The following CYP19A1 variants were observed in gnomAD, a reference collection of about 807,000 sequenced individuals.
CYP19A1 encodes the protein cytochrome P450 family 19 subfamily A member 1, also known as aromatase.
In CYP19A1, 32 loss-of-function variants were observed where a neutral mutation model predicts 44.4. The ratio of observed to expected loss-of-function variants is 0.72; its 90% CI spans 0.54 to 0.97. The LOEUF (loss-of-function observed/expected upper bound fraction) is 0.97. Ranked by LOEUF, CYP19A1 falls within the 50% of genes least tolerant of loss-of-function variation. The pLI is 0.00. For synonymous variants in CYP19A1, 212 were observed against 215.6 expected (o/e 0.98, Z 0.14); for missense variants, 598 against 637.8 (o/e 0.94, Z 0.67).
At chr15:51,314,847 T>G (rs184066368) in intron 1 of CYP19A1, among the ~76,000 whole-genome samples, 2 of 152,366 alleles carry the variant, frequency 1.3e-5, no homozygotes, top group Admixed American at 6.5e-5. Context: ...TTCATAAGTG[T>G]TGGTTTCCTC....
intron 1 of CYP19A1, among the ~76,000 whole-genome samples, chr15:51,282,186 C>T (rs370397526): frequency 4.6e-5 from 7 of 152,230 alleles, no homozygotes; most frequent in South Asian, 4.2e-4. Flanking sequence ...CCCCTTTCTC[C>T]GGTCTTACTT....
At chr15:51,245,802 G>A (rs1182298155) in intron 1 of CYP19A1, among the ~76,000 whole-genome samples, 3 of 152,234 alleles carry the variant, frequency 2.0e-5, no homozygotes, top group African/African-American at 7.2e-5. Context: ...TGAGAGCTAA[G>A]TCTAATTATC....
rs146145943 is a variant in CYP19A1 at position 51,326,701 on chromosome 15, T to A, written c.-39+11794A>T. ...ATTCATTGGCCAGTAACATAGAATTTTGAACCTGGAAGAAACCTTAATATG... is the reference window on the plus strand; with the variant it reads ...ATTCATTGGCCAGTAACATAGAATTATGAACCTGGAAGAAACCTTAATATG... On this transcript the variant is annotated intron_variant, in intron 1 of 9. Transcript: ENST00000396402. Among the ~76,000 whole-genome samples, 19 of 152,206 alleles carry A rather than the reference T, an allele frequency of 1.2e-4. 1 individual carries two copies. The highest frequency in any genetic ancestry group is 1.2e-3 in the Admixed American group (19 of 15,288).
intron 1 of CYP19A1, among the ~76,000 whole-genome samples, chr15:51,272,230 A>C (rs2035152705): frequency 6.6e-6 from 1 of 152,150 alleles, no homozygotes; most frequent in Non-Finnish European, 1.5e-5. Flanking sequence ...AACCCTTCCC[A>C]ACCTTCAAGA....
At chr15:51,251,196 C>T (rs1385959432) in intron 1 of CYP19A1, among the ~76,000 whole-genome samples, 1 of 152,184 alleles carries the variant, frequency 6.6e-6, no homozygotes, top group East Asian at 1.9e-4. Flanking sequence ...GCTTTAAGGT[C>T]TCTGTGGCAC....
intron 1 of CYP19A1, among the ~76,000 whole-genome samples, chr15:51,272,938 A>G (rs1176328769): frequency 1.3e-5 from 2 of 152,012 alleles, no homozygotes; most frequent in African/African-American, 4.8e-5. Flanking sequence ...TCATAATGGG[A>G]GGGACCATTT....
intron 1 of CYP19A1, among the ~76,000 whole-genome samples, chr15:51,265,778 G>A (rs2034894514): frequency 6.6e-6 from 1 of 152,186 alleles, no homozygotes; most frequent in African/African-American, 2.4e-5. Context: ...CCCCAAGCAA[G>A]GACTGCCCTC....
chr15:51,274,178 A>G (rs1351109965), intron 1 of CYP19A1, among the ~76,000 whole-genome samples: 1 of 152,194 alleles, frequency 6.6e-6, no homozygotes, highest in Non-Finnish European at 1.5e-5. Context: ...AGTACCACAC[A>G]CCAGGCAAGA....
intron 1 of CYP19A1, among the ~76,000 whole-genome samples, chr15:51,263,223 A>C (rs2034795776): frequency 1.3e-5 from 2 of 152,242 alleles, no homozygotes; most frequent in Admixed American, 6.5e-5. Flanking sequence ...CTGAAGCGGA[A>C]GAGAGAGTGT....
At chr15:51,265,787 T>C (rs2034895025) in intron 1 of CYP19A1, among the ~76,000 whole-genome samples, 9 of 152,206 alleles carry the variant, frequency 5.9e-5, no homozygotes, top group Admixed American at 5.9e-4. Flanking sequence ...AGGACTGCCC[T>C]CTTTCCACAG....
intron 2 of CYP19A1, among the ~76,000 whole-genome samples, chr15:51,241,038 A>G (rs933343004): frequency 6.6e-6 from 1 of 152,180 alleles, no homozygotes; most frequent in African/African-American, 2.4e-5. Flanking sequence ...AGCAACCCCA[A>G]ACTAGCTGAG....
chr15:51,311,333 A>G (rs546962645), intron 1 of CYP19A1, among the ~76,000 whole-genome samples: 1 of 152,374 alleles, frequency 6.6e-6, no homozygotes, highest in African/African-American at 2.4e-5. Context: ...AATATCTGAA[A>G]TAAATTCACT....
At chr15:51,320,740 T>C (rs1252281727) in intron 1 of CYP19A1, among the ~76,000 whole-genome samples, 2 of 152,212 alleles carry the variant, frequency 1.3e-5, no homozygotes, top group African/African-American at 4.8e-5. Flanking sequence ...CCAATGGAGA[T>C]AGAATGTGAG....
chr15:51,327,451 A>G lies in CYP19A1; in HGVS notation c.-39+11044T>C, dbSNP rs1463874192. On this transcript the variant is annotated intron_variant, in intron 1 of 9. Transcript: ENST00000396402. ...CACCCCCCAAATCATGCATGCATGC[A>G]TTCACTCATCCATCCATTCACTAAT... Among the ~76,000 whole-genome samples, 3 of 151,482 alleles carry G rather than the reference A, an allele frequency of 2.0e-5. No homozygotes were observed. The East Asian group carries it at 5.8e-4, about 29-fold the overall frequency.
At chr15:51,334,495 C>T (rs1796509299) in intron 1 of CYP19A1, among the ~76,000 whole-genome samples, 1 of 152,218 alleles carries the variant, frequency 6.6e-6, no homozygotes, top group Admixed American at 6.5e-5. Flanking sequence ...ATAAGTGGAG[C>T]TTTGCAGTAT....
Position 51,237,010 on chromosome 15 carries a change from C to CTAGG in CYP19A1, c.146-5_146-2dup. Reference sequence around the variant, plus strand: ...CCAATTCCCATGCAGTAGCCAGGACCTAGGACAGGTGTCAGAGCATAAGCA... The same window carrying CTAGG: ...CCAATTCCCATGCAGTAGCCAGGACCTAGGTAGGACAGGTGTCAGAGCATAAGCA... On this transcript the variant is annotated splice_acceptor_variant, in intron 2 of 9. Transcript: ENST00000396402. LOFTEE classifies it high-confidence loss of function. The CTAGG allele has an allele frequency of 1.9e-6, 3 of 1,614,118 alleles. No homozygotes were observed. Among genetic ancestry groups the CTAGG allele is most frequent in the Non-Finnish European group, 2.5e-6 (3 of 1,179,996 alleles).
intron 1 of CYP19A1, among the ~76,000 whole-genome samples, chr15:51,288,806 A>C (rs2035771575): frequency 6.6e-6 from 1 of 152,100 alleles, no homozygotes; most frequent in African/African-American, 2.4e-5. Context: ...ACAGAATTGC[A>C]TGGGGGATGG....
chr15:51,228,922 G>A (rs766455582), intron 3 of CYP19A1, among the ~76,000 whole-genome samples: 1 of 152,092 alleles, frequency 6.6e-6, no homozygotes, highest in East Asian at 1.9e-4. Context: ...ATTGCAAGTG[G>A]TTACTATAAT....
At chr15:51,256,920 C>T (rs1481289536) in intron 1 of CYP19A1, among the ~76,000 whole-genome samples, 2 of 152,148 alleles carry the variant, frequency 1.3e-5, no homozygotes, top group Non-Finnish European at 2.9e-5. Flanking sequence ...GATGGGTGGG[C>T]AGTGGGTAAG....
Sources: allele counts gnomAD v4.1 joint callset (sites outside exome capture counted in the v4.1 genomes callset), GRCh38; gene constraint gnomAD v4.1.1; transcripts MANE v1.5; gene names NCBI Gene and HGNC (gene_info 2026-07-23, HGNC 2026-07-21).